Variants in PHACTR1 observed in about 807,000 individuals in gnomAD.
PHACTR1 encodes the protein phosphatase and actin regulator 1.
In PHACTR1, 16 loss-of-function variants were observed where a neutral mutation model predicts 69.2. That is an observed-to-expected ratio of 0.23 (90% CI 0.16 to 0.35). The LOEUF is 0.35. PHACTR1 is among the 10% of genes least tolerant of loss of function. The probability of loss-of-function intolerance (pLI) is 1.00; values close to 1 mark genes in which losing one functional copy is unlikely to be tolerated. For missense variants in PHACTR1, 510 were observed against 734.7 expected (o/e 0.69, Z 3.54); for synonymous variants, 312 against 284.5 (o/e 1.10, Z -0.97).
intron 4 of PHACTR1, among the ~76,000 whole-genome samples, chr6:12,825,897 C>A (rs1307896992): frequency 6.6e-6 from 1 of 151,714 alleles, no homozygotes; most frequent in Non-Finnish European, 1.5e-5. Context: ...TTACAAATAA[C>A]ACATGAAAAG....
At chr6:12,966,879 G>A (rs770839717) in intron 4 of PHACTR1, among the ~76,000 whole-genome samples, 24 of 152,140 alleles carry the variant, frequency 1.6e-4, no homozygotes, top group Non-Finnish European at 2.6e-4. Context: ...AGATGTGCTC[G>A]TGAACAGAGG....
intron 3 of PHACTR1, among the ~76,000 whole-genome samples, chr6:12,740,934 T>A (rs1160539138): frequency 2.0e-5 from 3 of 152,026 alleles, no homozygotes; most frequent in Non-Finnish European, 4.4e-5. Context: ...TAATCATTGA[T>A]TTTTTTCTTT....
intron 4 of PHACTR1, among the ~76,000 whole-genome samples, chr6:12,927,696 A>G (rs552105678): frequency 1.8e-4 from 27 of 152,374 alleles, no homozygotes; most frequent in African/African-American, 5.8e-4. Flanking sequence ...AAAAGAATTC[A>G]CATGCCCGTG....
rs76533886 is a variant in PHACTR1, at chr6:13,012,065, T to C, written c.251-41300T>C. Among the ~76,000 whole-genome samples, 622 of 152,298 alleles carry C rather than the reference T, an allele frequency of 4.1e-3. 3 individuals carry two copies. Among genetic ancestry groups the C allele is most frequent in the African/African-American group, 0.014 (571 of 41,572 alleles). Reference sequence around the variant, plus strand: ...AGCCCTCAATGGGTACCAAGAGGGATCGAGATCTAATTACAGAGACCTGCA... The same window carrying C: ...AGCCCTCAATGGGTACCAAGAGGGACCGAGATCTAATTACAGAGACCTGCA... On this transcript the variant is annotated intron_variant, in intron 4 of 14. Transcript: ENST00000332995.
chr6:13,006,629 C>T (rs1281527801), intron 4 of PHACTR1, among the ~76,000 whole-genome samples: 1 of 151,554 alleles, frequency 6.6e-6, no homozygotes. Flanking sequence ...GTGATACATA[C>T]ACAACTTATA....
chr6:12,946,933 C>A (rs2127548338), intron 4 of PHACTR1, among the ~76,000 whole-genome samples: 1 of 151,432 alleles, frequency 6.6e-6, no homozygotes, highest in East Asian at 1.9e-4. Context: ...CTGCCTCAGC[C>A]TCCTAAGTAG....
intron 4 of PHACTR1, among the ~76,000 whole-genome samples, chr6:12,966,386 C>T (rs998337251): frequency 1.3e-5 from 2 of 152,182 alleles, no homozygotes; most frequent in East Asian, 3.8e-4. Context: ...AGTAAAGTAA[C>T]TTGTCCCTGG....
In PHACTR1 at chr6:13,159,029, G is replaced by A. The variant is rs570698520; in HGVS notation, c.416-1175G>A. On this transcript the variant is annotated intron_variant, in intron 5 of 14. Transcript: ENST00000332995. ...TGGAATAGCCTTCTTTCCTCCCCAC[G>A]TTCGCCTGTGTCCCTCCTTTGAGCC... is the stretch of plus-strand genomic sequence containing the variant. Among the ~76,000 whole-genome samples the A allele has an allele frequency of 5.6e-4, 86 of 152,224 alleles. No individual in the cohort carries two copies. The Middle Eastern group carries it at 0.014, about 24-fold the overall frequency.
chr6:13,043,906 G>A (rs1434700835), intron 4 of PHACTR1, among the ~76,000 whole-genome samples: 1 of 152,152 alleles, frequency 6.6e-6, no homozygotes, highest in Non-Finnish European at 1.5e-5. Flanking sequence ...CAACACAAAT[G>A]TATTCTATAG....
intron 11 of PHACTR1, 142 bp downstream of exon 11, chr6:13,273,057 T>C: frequency 1.6e-6 from 2 of 1,232,040 alleles, no homozygotes; most frequent in Admixed American, 2.3e-5. Flanking sequence ...CATGTGTGCA[T>C]GTTAGAACAC....
intron 5 of PHACTR1, among the ~76,000 whole-genome samples, chr6:13,139,695 A>G (rs1223525): frequency 0.93 from 142,001 of 152,242 alleles, 66,809 homozygotes; most frequent in Non-Finnish European, 0.99. Context: ...AAAGACTTTC[A>G]TCACACACAA....
At chr6:12,766,204 C>T (rs1006782094) in intron 4 of PHACTR1, among the ~76,000 whole-genome samples, 4 of 152,196 alleles carry the variant, frequency 2.6e-5, no homozygotes, top group Non-Finnish European at 5.9e-5. Flanking sequence ...TCCTTCAACT[C>T]CATGTCCTGA....
At chr6:13,157,278 C>T (rs1359114577) in intron 5 of PHACTR1, among the ~76,000 whole-genome samples, 2 of 152,224 alleles carry the variant, frequency 1.3e-5, no homozygotes, top group Non-Finnish European at 2.9e-5. Context: ...TTTTCCAACA[C>T]CCCAATCAGG....
intron 7 of PHACTR1, among the ~76,000 whole-genome samples, chr6:13,202,082 G>T (rs1765316610): frequency 6.6e-6 from 1 of 152,246 alleles, no homozygotes; most frequent in Non-Finnish European, 1.5e-5. Flanking sequence ...CAAGGCCCCA[G>T]CATGCCTTTC....
intron 3 of PHACTR1, among the ~76,000 whole-genome samples, chr6:12,737,795 T>G (rs1452513023): frequency 3.3e-5 from 5 of 152,048 alleles, no homozygotes; most frequent in African/African-American, 1.2e-4. Flanking sequence ...AAAGTTTCAT[T>G]ATGTTGTACA....
chr6:13,093,481 T>A (rs898897616), intron 5 of PHACTR1, among the ~76,000 whole-genome samples: 1 of 152,228 alleles, frequency 6.6e-6, no homozygotes, highest in Admixed American at 6.5e-5. Context: ...CAGTTATTAC[T>A]GTTCCATCCA....
chr6:13,103,309 G>T (rs571349844), intron 5 of PHACTR1, among the ~76,000 whole-genome samples: 12 of 152,242 alleles, frequency 7.9e-5, no homozygotes, highest in South Asian at 2.1e-4. Context: ...AATAGCTTTG[G>T]ATATAGGTGG....
At chr6:12,879,616 T>C (rs1454502630) in intron 4 of PHACTR1, among the ~76,000 whole-genome samples, 5 of 152,202 alleles carry the variant, frequency 3.3e-5, no homozygotes, top group Non-Finnish European at 5.9e-5. Context: ...AGGTCAACAC[T>C]AACTCGTAAT....
chr6:13,170,867 A>G (rs1760503312), intron 6 of PHACTR1, among the ~76,000 whole-genome samples: 1 of 152,152 alleles, frequency 6.6e-6, no homozygotes, highest in Non-Finnish European at 1.5e-5. Context: ...CCCAGGCCCA[A>G]GCCTGCTTGA....
Sources: allele counts gnomAD v4.1 joint callset (sites outside exome capture counted in the v4.1 genomes callset), GRCh38; gene constraint gnomAD v4.1.1; transcripts MANE v1.5; gene names NCBI Gene and HGNC (gene_info 2026-07-23, HGNC 2026-07-21).